The following DMD variants were observed in gnomAD, a reference collection of about 807,000 sequenced individuals.
DMD encodes the protein dystrophin.
In DMD, 63 loss-of-function variants were observed where a neutral mutation model predicts 330.1. The ratio of observed to expected loss-of-function variants is 0.19; its 90% CI spans 0.16 to 0.24. The LOEUF (loss-of-function observed/expected upper bound fraction) is 0.24. Ranked by LOEUF, DMD falls within the 10% of genes least tolerant of loss-of-function variation. DMD has a pLI of 1.00. For missense variants in DMD, 3,344 were observed against 2,684.1 expected (o/e 1.25, Z -5.43); for synonymous variants, 1,223 against 959.8 (o/e 1.27, Z -5.07).
intron 1 of DMD, among the ~76,000 whole-genome samples, chrX:33,282,272 G>T (rs2053346047): frequency 1.8e-5 from 2 of 111,958 alleles, no homozygotes; most frequent in South Asian, 7.5e-4. Context: ...AGTTCTGCAG[G>T]TATGAAGAGG....
intron 69 of DMD, 74 bp from the exon 70 acceptor site, chrX:31,178,879 G>T (rs2040843264): frequency 1.8e-6 from 2 of 1,103,790 alleles, no homozygotes; most frequent in East Asian, 3.1e-5. Context: ...CCAGTCTTCT[G>T]CCCCATGACA....
intron 2 of DMD, among the ~76,000 whole-genome samples, chrX:32,921,720 T>C (rs975222234): frequency 1.2e-4 from 13 of 111,734 alleles, no homozygotes; most frequent in African/African-American, 4.2e-4. Context: ...TTTTGTACTA[T>C]GTGCAATTAA....
chrX:32,417,989 T>G (rs1367593093), intron 29 of DMD, among the ~76,000 whole-genome samples: 1 of 109,721 alleles, frequency 9.1e-6, no homozygotes, highest in Non-Finnish European at 1.9e-5. Context: ...AGTGGAGGTG[T>G]AAGATGGAAT....
chrX:31,843,295 G>A, intron 48 of DMD, among the ~76,000 whole-genome samples: 1 of 111,843 alleles, frequency 8.9e-6, no homozygotes, highest in Non-Finnish European at 1.9e-5. Flanking sequence ...TCCCCAAACT[G>A]CTTTCCACAG....
chrX:31,437,660 A>G (rs2064631871), intron 60 of DMD, among the ~76,000 whole-genome samples: 1 of 110,675 alleles, frequency 9.0e-6, no homozygotes, highest in Non-Finnish European at 1.9e-5. Flanking sequence ...AAAAATAACC[A>G]AGTTTGAATA....
chrX:32,259,795 C>T (rs1208589168), intron 43 of DMD, among the ~76,000 whole-genome samples: 2 of 111,294 alleles, frequency 1.8e-5, no homozygotes, highest in East Asian at 2.8e-4. Context: ...TTTTGATCAC[C>T]GTCCCATAAA....
chrX:31,376,747 G>A (rs930051303), intron 60 of DMD, among the ~76,000 whole-genome samples: 1 of 112,326 alleles, frequency 8.9e-6, no homozygotes, highest in Admixed American at 9.4e-5. Flanking sequence ...CAGGTCTGAG[G>A]ACTGATCCTA....
At chrX:31,417,574 AG>A (rs1257990130) in intron 60 of DMD, among the ~76,000 whole-genome samples, 1 of 112,079 alleles carries the variant, frequency 8.9e-6, no homozygotes, top group Non-Finnish European at 1.9e-5. Context: ...TAATGACTGC[AG>A]GGGAGGGATG....
intron 48 of DMD, among the ~76,000 whole-genome samples, chrX:31,865,208 C>T (rs1041166595): frequency 3.6e-5 from 4 of 111,852 alleles, no homozygotes; most frequent in African/African-American, 9.8e-5. Context: ...TAAACAAACA[C>T]GCTTCAAGGT....
intron 30 of DMD, among the ~76,000 whole-genome samples, chrX:32,403,218 G>T (rs1418809323): frequency 8.9e-6 from 1 of 112,020 alleles, no homozygotes; most frequent in African/African-American, 3.2e-5. Context: ...AATTTTCTGT[G>T]TGCTATCTTT....
At chrX:32,408,142 G>T (rs1184625798) in intron 30 of DMD, among the ~76,000 whole-genome samples, 1 of 111,334 alleles carries the variant, frequency 9.0e-6, no homozygotes, top group Non-Finnish European at 1.9e-5. Flanking sequence ...ACTGTGAATT[G>T]GCTAAGTGTT....
chrX:33,158,926 A>G (rs2048632289), intron 1 of DMD, among the ~76,000 whole-genome samples: 1 of 112,026 alleles, frequency 8.9e-6, no homozygotes, highest in South Asian at 3.8e-4. Flanking sequence ...TCATGATAAC[A>G]TTCCCTCATA....
At chrX:31,266,204 C>G (rs1346463009) in intron 62 of DMD, among the ~76,000 whole-genome samples, 4 of 88,442 alleles carry the variant, frequency 4.5e-5, no homozygotes, top group Admixed American at 1.1e-4. Context: ...ACAAAAATCC[C>G]CACCCCCTGA....
intron 1 of DMD, among the ~76,000 whole-genome samples, chrX:33,258,546 C>T (rs972864431): frequency 9.0e-6 from 1 of 110,766 alleles, no homozygotes; most frequent in Admixed American, 9.6e-5. Flanking sequence ...TTAAAGATTC[C>T]CTAAAATATT....
At chrX:31,838,354 A>T (rs1193184189) in intron 48 of DMD, among the ~76,000 whole-genome samples, 2 of 112,360 alleles carry the variant, frequency 1.8e-5, no homozygotes, top group African/African-American at 3.2e-5. Context: ...AGAAAAGGAA[A>T]AAAAGTAACT....
At chrX:31,523,500 C>T (rs184683275) in intron 55 of DMD, among the ~76,000 whole-genome samples, 16 of 112,022 alleles carry the variant, frequency 1.4e-4, no homozygotes, top group Non-Finnish European at 9.4e-5. Context: ...AGTGAGCCTA[C>T]GTACAAAATG....
At chrX:33,318,321 C>T (rs751375987) in intron 1 of DMD, among the ~76,000 whole-genome samples, 1 of 110,579 alleles carries the variant, frequency 9.0e-6, no homozygotes, top group South Asian at 3.8e-4. Flanking sequence ...TCTACTGAAA[C>T]AATTAATTTG....
intron 74 of DMD, among the ~76,000 whole-genome samples, chrX:31,157,947 G>A (rs912296515): frequency 9.2e-6 from 1 of 108,555 alleles, no homozygotes; most frequent in African/African-American, 3.4e-5. Flanking sequence ...GGGACTACAG[G>A]CATGAGCCAC....
chrX:33,003,580 T>A (rs1036251143), intron 2 of DMD, among the ~76,000 whole-genome samples: 4 of 110,018 alleles, frequency 3.6e-5, no homozygotes, highest in African/African-American at 1.4e-4. Flanking sequence ...GTGTATTTAA[T>A]GATCTTTCAA....
Sources: allele counts gnomAD v4.1 joint callset (sites outside exome capture counted in the v4.1 genomes callset), GRCh38; gene constraint gnomAD v4.1.1; transcripts MANE v1.5; gene names NCBI Gene and HGNC (gene_info 2026-07-23, HGNC 2026-07-21).